Variants in PLXNA4 observed in about 807,000 individuals in gnomAD.
PLXNA4 encodes the protein plexin A4.
Under a neutral mutation model 191.8 loss-of-function variants are expected in PLXNA4, and 44 were observed. The ratio of observed to expected loss-of-function variants is 0.23; its 90% CI spans 0.18 to 0.29. The LOEUF (loss-of-function observed/expected upper bound fraction) is 0.29, where lower values mean the gene tolerates loss of function less well. PLXNA4 is among the 10% of genes least tolerant of loss of function. The pLI is 1.00. For synonymous variants in PLXNA4, 1,082 were observed against 1,009.5 expected, an observed-to-expected ratio of 1.07 and a Z score of -1.36; for missense variants, 1,800 against 2,488.8, an observed-to-expected ratio of 0.72 and a Z score of 5.89.
chr7:132,267,778 C>A (rs773185008), intron 4 of PLXNA4, among the ~76,000 whole-genome samples: 1 of 152,074 alleles, frequency 6.6e-6, no homozygotes, highest in Non-Finnish European at 1.5e-5. Flanking sequence ...GAGGCTGTTG[C>A]GAGTCCTCAC....
At chr7:132,600,236 A>G (rs1802790844) in intron 2 of PLXNA4, among the ~76,000 whole-genome samples, 1 of 152,132 alleles carries the variant, frequency 6.6e-6, no homozygotes, top group Non-Finnish European at 1.5e-5. Context: ...GTAGGATTTC[A>G]TTGTTCTTTG....
At chr7:132,132,496 T>TG (rs1794990642) in intron 31 of PLXNA4, among the ~76,000 whole-genome samples, 3 of 31,760 alleles carry the variant, frequency 9.4e-5, no homozygotes, top group African/African-American at 1.8e-4. Context: ...TGCTCTATTC[T>TG]TTTCTATTCT....
intron 9 of PLXNA4, among the ~76,000 whole-genome samples, chr7:132,222,124 C>G (rs11771335): frequency 0.59 from 89,955 of 152,054 alleles, 26,977 homozygotes; most frequent in South Asian, 0.76. Flanking sequence ...CATCCTCTCT[C>G]CAGACAACAT....
chr7:132,386,637 C>T (rs1466384093), intron 3 of PLXNA4, among the ~76,000 whole-genome samples: 1 of 152,328 alleles, frequency 6.6e-6, no homozygotes, highest in African/African-American at 2.4e-5. Context: ...GTTAGTCAGC[C>T]TTTCCTGGCA....
At chr7:132,191,621 C>T (rs1433913238) in intron 14 of PLXNA4, among the ~76,000 whole-genome samples, 1 of 152,182 alleles carries the variant, frequency 6.6e-6, no homozygotes, top group Non-Finnish European at 1.5e-5. Context: ...TGGAAAGCTG[C>T]TCTGGGCAGT....
At chr7:132,292,691 C>CA (rs1800937534) in intron 4 of PLXNA4, among the ~76,000 whole-genome samples, 1 of 152,178 alleles carries the variant, frequency 6.6e-6, no homozygotes, top group South Asian at 2.1e-4. Context: ...ACAAGAGAGA[C>CA]AAGGTCCCTG....
At chr7:132,201,532 T>A (rs1390587727) in intron 12 of PLXNA4, among the ~76,000 whole-genome samples, 1 of 152,036 alleles carries the variant, frequency 6.6e-6, no homozygotes, top group African/African-American at 2.4e-5. Flanking sequence ...AGAGACTGAG[T>A]CTCTGTCTTC....
intron 3 of PLXNA4, among the ~76,000 whole-genome samples, chr7:132,460,544 T>A (rs550617186): frequency 6.6e-6 from 1 of 152,232 alleles, no homozygotes; most frequent in East Asian, 1.9e-4. Context: ...CCTTGGGTGA[T>A]GTTTTGCCAG....
At position 132,427,873 on chromosome 7, in the gene PLXNA4, G is replaced by A. The variant is rs564046634; in HGVS notation, c.1371+61419C>T. 4.1e-4 allele frequency among the ~76,000 whole-genome samples: 62 copies of A among 152,344 alleles called. No individual in the cohort carries two copies. In the South Asian group the frequency reaches 7.0e-3, roughly 17 times the overall value. ...GGAAAATGGAAGTGACCATCTCCCC[G>A]CCTCAGGGGGTTGTTGGGAATGTTA... On this transcript the variant is annotated intron_variant, in intron 3 of 31. Coordinates refer to ENST00000321063, the MANE Select transcript of PLXNA4 (RefSeq NM_020911.2).
intron 3 of PLXNA4, among the ~76,000 whole-genome samples, chr7:132,430,597 C>CA (rs769544536): frequency 6.6e-6 from 1 of 152,160 alleles, no homozygotes; most frequent in Non-Finnish European, 1.5e-5. Flanking sequence ...GAACAACTAG[C>CA]AAGGCATGAT....
intron 4 of PLXNA4, among the ~76,000 whole-genome samples, chr7:132,244,456 C>A (rs549658560): frequency 1.3e-5 from 2 of 152,310 alleles, no homozygotes; most frequent in South Asian, 4.1e-4. Flanking sequence ...TCTTTCCTTA[C>A]GGAATATTTC....
At chr7:132,210,195 G>A (rs1797749821) in intron 10 of PLXNA4, among the ~76,000 whole-genome samples, 1 of 152,190 alleles carries the variant, frequency 6.6e-6, no homozygotes, top group Admixed American at 6.5e-5. Context: ...TGGGCACAAA[G>A]AAGGGAGCCC....
Position 132,508,074 on chromosome 7 carries a change from T to C in PLXNA4, c.620A>G (p.Asn207Ser), listed in dbSNP as rs552003989. 8.1e-6 allele frequency: 13 copies of C among 1,613,944 alleles called. No individual in the cohort carries two copies. In the South Asian group the frequency reaches 9.9e-5, roughly 12 times the overall value. The change falls in exon 2 of 32, where the codon AAC becomes AGC. Residue 207 changes from asparagine to serine, a missense_variant. By Grantham distance (46) the Asn-to-Ser change is conservative. Transcript: ENST00000321063. The surrounding 1 kb of genome is among the most constrained non-coding windows in gnomAD (Gnocchi z 4.4). ...CGCGAACATGCCATCCGCCTCAGAG[T>C]TCTTGGTCAGTTTCCGGCTGGAGAT... ...PTISSRKLTK[N>S]SEADGMFAYV... is the part of the protein sequence containing the mutation.
At chr7:132,564,229 C>CTCT (rs1801599438) in intron 1 of PLXNA4, among the ~76,000 whole-genome samples, 1 of 134,146 alleles carries the variant, frequency 7.5e-6, no homozygotes, top group Middle Eastern at 5.0e-3. Context: ...TCTCCTCCTC[C>CTCT]TCCTCTTCCT....
chr7:132,138,226 C>T (rs555897923), intron 30 of PLXNA4, among the ~76,000 whole-genome samples: 8 of 152,278 alleles, frequency 5.3e-5, no homozygotes, highest in African/African-American at 1.9e-4. Context: ...GCAGAGCACA[C>T]TCCACAGCAG....
In PLXNA4 at chr7:132,196,617, T is replaced by A. The variant is rs79520658; in HGVS notation, c.2738+1868A>T. 2.5e-3 allele frequency among the ~76,000 whole-genome samples: 383 copies of A among 152,340 alleles called. 2 individuals carry two copies. Among genetic ancestry groups the A allele is most frequent in the African/African-American group, 8.9e-3 (369 of 41,576 alleles). On this transcript the variant is annotated intron_variant, in intron 13 of 31. Coordinates refer to ENST00000321063, the MANE Select transcript of PLXNA4 (RefSeq NM_020911.2). ...TTCTTGAAAATAAATATTTGTGAAT[T>A]CTGGTTATTTAGGGAAAGTTCTAGA...
Position 132,536,294 on chromosome 7 carries a change from G to A in PLXNA4, c.-86-27515C>T, listed in dbSNP as rs138325525. 5.1e-3 allele frequency among the ~76,000 whole-genome samples: 774 copies of A among 152,214 alleles called. 7 individuals carry two copies. The highest frequency in any genetic ancestry group is 0.017 in the African/African-American group (686 of 41,530). On this transcript the variant is annotated intron_variant, in intron 1 of 31. Coordinates refer to ENST00000321063, the MANE Select transcript of PLXNA4 (RefSeq NM_020911.2). The stretch of plus-strand genomic sequence containing the variant: ...AGTAAGTTCAGTTTTTCTTCCCGTC[G>A]TTCCCTATAAGTGACTAATTTTTAT...
intron 16 of PLXNA4, among the ~76,000 whole-genome samples, chr7:132,182,656 C>G (rs1276738644): frequency 6.6e-6 from 1 of 152,212 alleles, no homozygotes; most frequent in African/African-American, 2.4e-5. Flanking sequence ...TCTGCTCCCC[C>G]AGGGCAATCG....
At chr7:132,178,713 T>TACACACACACAC (rs56218462) in intron 20 of PLXNA4, among the ~76,000 whole-genome samples, 1,317 of 112,074 alleles carry the variant, frequency 0.012, 84 homozygotes, top group African/African-American at 0.02. Flanking sequence ...CACATACACA[T>TACACACACACAC]ACACACACAC....
Sources: gnomAD v4.1 joint callset for allele counts (sites outside exome capture counted in the v4.1 genomes callset) on GRCh38, gnomAD v4.1.1 for gene constraint, Gnocchi (gnomAD v3.1) non-coding constraint, MANE v1.5 for transcripts, NCBI Gene and HGNC (gene_info 2026-07-23, HGNC 2026-07-21) for gene names.